The following LRRC9 variants were observed in gnomAD, a reference collection of about 807,000 sequenced individuals.
The protein encoded by LRRC9 is leucine rich repeat containing 9, also known as leucine-rich repeat-containing protein 9.
LRRC9 carries 122 observed loss-of-function variants against 63.2 expected under a neutral mutation model. The ratio of observed to expected loss-of-function variants is 1.93; its 90% CI spans 1.67 to 2.24. LRRC9 has a LOEUF of 2.24. Among genes scored for constraint, LRRC9 ranks in the 30% most tolerant of loss-of-function variants. LRRC9 has a pLI of 0.00. For missense variants in LRRC9, 1,071 were observed against 627.7 expected (o/e 1.71, Z -7.55); for synonymous variants, 366 against 213.1 (o/e 1.72, Z -6.25).
At chr14:59,961,949 C>T (rs536751819) in intron 10 of LRRC9, among the ~76,000 whole-genome samples, 2 of 152,148 alleles carry the variant, frequency 1.3e-5, no homozygotes, top group South Asian at 2.1e-4. Flanking sequence ...TGGCACATAA[C>T]CCTGGAGCAT....
At chr14:60,055,488 T>A (rs117858551) in intron 30 of LRRC9, among the ~76,000 whole-genome samples, 3,352 of 152,300 alleles carry the variant, frequency 0.022, 59 homozygotes, top group South Asian at 0.05. Context: ...ATTAGTTTCA[T>A]ATTGCTGCTA....
At chr14:60,059,151 T>C (rs1432574046) in intron 31 of LRRC9, 1 of 152,222 alleles carries the variant, frequency 6.6e-6, no homozygotes, top group Non-Finnish European at 1.5e-5. Flanking sequence ...CATTTCACTT[T>C]ATTGCATTTC....
chr14:59,921,254 G>A (rs1051306784), intron 1 of LRRC9, among the ~76,000 whole-genome samples: 1 of 152,186 alleles, frequency 6.6e-6, no homozygotes, highest in Non-Finnish European at 1.5e-5. Flanking sequence ...TGTGGCTGAT[G>A]AGCATGTGAG....
At position 60,024,511 on chromosome 14, in the gene LRRC9, C is replaced by T. The variant is rs890249445; in HGVS notation, c.3703+1641C>T. ...ATCAGTGGGACATGTGGGGAGACAT[C>T]GAGGTAGTTGATCTGAGTATGGTAA... On this transcript the variant is annotated intron_variant, in intron 27 of 31. Coordinates refer to ENST00000445360, the Ensembl canonical transcript of LRRC9. Among the ~76,000 whole-genome samples, 19 of 151,940 alleles carry T rather than the reference C, an allele frequency of 1.3e-4. 1 individual carries two copies. Among genetic ancestry groups the T allele is most frequent in the Admixed American group, 1.1e-3 (16 of 15,218 alleles).
exon 20 of LRRC9, chr14:60,002,010 G>C (rs972216697): frequency 2.9e-6 from 2 of 701,360 alleles, no homozygotes; most frequent in Non-Finnish European, 5.2e-6. Context: ...AGAGACCACG[G>C]ATACTTAGTA....
intron 6 of LRRC9, among the ~76,000 whole-genome samples, chr14:59,937,955 A>G (rs1189920891): frequency 6.6e-6 from 1 of 152,174 alleles, no homozygotes; most frequent in East Asian, 1.9e-4. Context: ...ATAGCCTTTA[A>G]TGAGTAGAGC....
At chr14:59,925,069 G>A (rs1192258909) in intron 1 of LRRC9, among the ~76,000 whole-genome samples, 1 of 151,856 alleles carries the variant, frequency 6.6e-6, no homozygotes, top group Non-Finnish European at 1.5e-5. Context: ...GTCATTCTCT[G>A]TCTGGGGTTC....
rs1294490873 is a variant in LRRC9 at position 59,930,899 on chromosome 14, G to A, written c.268-19G>A. ...GCAAAACATAAACTAACATTATTCA[G>A]TCTCCTTTTCTTTTACAGAAAATTG... On this transcript the variant is annotated intron_variant, in intron 3 of 31. Coordinates refer to ENST00000445360, the Ensembl canonical transcript of LRRC9. This position sits in a 1 kb window ranked among gnomAD's most constrained non-coding sequence, Gnocchi z 4.9. 2 of 411,418 alleles carry A rather than the reference G, an allele frequency of 4.9e-6. No homozygotes were observed. The highest frequency in any genetic ancestry group is 8.8e-6 in the Non-Finnish European group (2 of 227,926). The allele number at this position is 411,418 out of a possible 1,614,324, so 25.5% of individuals were successfully genotyped here. A position where few individuals can be genotyped will look rare whatever the true frequency, so the allele number is the denominator to read the frequency against.
At chr14:60,013,584 C>G (rs2140256639) in intron 23 of LRRC9, among the ~76,000 whole-genome samples, 1 of 152,152 alleles carries the variant, frequency 6.6e-6, no homozygotes, top group South Asian at 2.1e-4. Flanking sequence ...AAATATTTTG[C>G]AGCTCTGTTG....
intron 15 of LRRC9, among the ~76,000 whole-genome samples, chr14:59,978,996 T>C (rs1886619337): frequency 6.6e-6 from 1 of 152,252 alleles, no homozygotes; most frequent in Admixed American, 6.5e-5. Context: ...TTCTTTCATA[T>C]GCTTAAAATT....
At chr14:60,059,263 T>C (rs1206830994) in intron 31 of LRRC9, 2 of 152,224 alleles carry the variant, frequency 1.3e-5, no homozygotes, top group East Asian at 3.8e-4. Context: ...CTTTGTGTCT[T>C]TATCACATTT....
intron 29 of LRRC9, among the ~76,000 whole-genome samples, chr14:60,036,719 T>G (rs530827110): frequency 2.5e-5 from 1 of 40,794 alleles, no homozygotes; most frequent in South Asian, 1.5e-3. Flanking sequence ...GTAAAGTTAC[T>G]CTTTGCCTCT....
chr14:59,982,371 C>A (rs1235037157), intron 16 of LRRC9, among the ~76,000 whole-genome samples: 1 of 152,132 alleles, frequency 6.6e-6, no homozygotes, highest in African/African-American at 2.4e-5. Flanking sequence ...ATTTCTATAA[C>A]AAAATACCAC....
At position 59,998,247 on chromosome 14, in the gene LRRC9, A is replaced by G. The variant is rs138750612; in HGVS notation, c.2403+400A>G. Among the ~76,000 whole-genome samples the G allele has an allele frequency of 8.8e-4, 134 of 152,162 alleles. 1 individual carries two copies. The highest frequency in any genetic ancestry group is 3.1e-3 in the African/African-American group (128 of 41,562). On this transcript the variant is annotated intron_variant, in intron 18 of 31. Coordinates refer to ENST00000445360, the Ensembl canonical transcript of LRRC9. ...TTAAGGAAGAAACATAATTTGATTT[A>G]TAATATATCCTAATCTGTGGTTGAA...
chr14:60,015,924 CT>C (rs1890641415), intron 23 of LRRC9, among the ~76,000 whole-genome samples: 1 of 152,122 alleles, frequency 6.6e-6, no homozygotes, highest in Non-Finnish European at 1.5e-5. Flanking sequence ...ACAGTTTATT[CT>C]GTAGGATTTA....
At chr14:60,038,179 T>G (rs1892616012) in intron 29 of LRRC9, among the ~76,000 whole-genome samples, 2 of 152,166 alleles carry the variant, frequency 1.3e-5, no homozygotes, top group African/African-American at 2.4e-5. Flanking sequence ...CCTTGTAGTA[T>G]AGTTTGAAGT....
At chr14:59,977,293 C>G (rs1244692384) in exon 14 of LRRC9, 1 of 700,820 alleles carries the variant, frequency 1.4e-6, no homozygotes, top group Non-Finnish European at 2.6e-6. Context: ...ATCCATCAGT[C>G]AATCCAACTA....
At chr14:59,985,160 C>A in exon 17 of LRRC9, 2 of 693,072 alleles carry the variant, frequency 2.9e-6, no homozygotes, top group Admixed American at 2.0e-5. Flanking sequence ...TCCAAGTTAA[C>A]AGGACTTCGA....
intron 26 of LRRC9, among the ~76,000 whole-genome samples, chr14:60,020,218 T>C (rs1190720085): frequency 6.6e-6 from 1 of 151,942 alleles, no homozygotes; most frequent in Non-Finnish European, 1.5e-5. Context: ...AAGTAGTTTT[T>C]GTGCCTGGCT....
Sources: allele counts gnomAD v4.1 joint callset (sites outside exome capture counted in the v4.1 genomes callset), GRCh38; gene constraint gnomAD v4.1.1; non-coding constraint Gnocchi (gnomAD v3.1); transcripts MANE v1.5; gene names NCBI Gene and HGNC (gene_info 2026-07-23, HGNC 2026-07-21).